The following HNRNPR variants were observed in gnomAD, a reference collection of about 807,000 sequenced individuals.
HNRNPR encodes the protein heterogeneous nuclear ribonucleoprotein R.
In HNRNPR, 4 loss-of-function variants were observed where a neutral mutation model predicts 70.3. The observed-to-expected ratio is 0.06, with a 90% CI of 0.03 to 0.13. The LOEUF (loss-of-function observed/expected upper bound fraction) is 0.13. HNRNPR is among the 10% of genes least tolerant of loss of function. HNRNPR has a pLI of 1.00. For synonymous variants in HNRNPR, 241 were observed against 267.6 expected (o/e 0.90, Z 0.97); for missense variants, 423 against 788.5 (o/e 0.54, Z 5.55).
chr1:23,321,379 C>T, intron 7 of HNRNPR, 149 bp downstream of exon 7: 1 of 591,512 alleles, frequency 1.7e-6, no homozygotes, highest in South Asian at 2.7e-5. Flanking sequence ...TGCTTAAACC[C>T]AAACCACTAT....
At position 23,331,997 on chromosome 1, in the gene HNRNPR, T is replaced by C. The variant is rs1284297052; in HGVS notation, c.498+1521A>G. 4.6e-5 allele frequency among the ~76,000 whole-genome samples: 7 copies of C among 152,120 alleles called. No individual in the cohort carries two copies. The East Asian group carries it at 9.7e-4, about 21-fold the overall frequency. On this transcript the variant is annotated intron_variant, in intron 5 of 10. Transcript: ENST00000302271. ...AAATAGAAAAATTAGCCAGGCGTGG[T>C]GGCAGGCATCTGTAGTCCCAGCTAC...
rs753944349 is a variant in HNRNPR, at chr1:23,310,590, T to C, written c.1766A>G (p.Asn589Ser). ...NQPDSKRRQT[N>S]NQQNWGSQPI... is the part of the protein sequence containing the mutation. ...TTGGGAACCCCAGTTCTGTTGGTTG[T>C]TGGTCTGACGACGCTTGGAATCAGG... Residue 589 changes from asparagine (N) to serine (S), a missense_variant, in exon 11 of 11, where the codon AAC becomes AGC. Asn to Ser is a conservative substitution (Grantham distance 46). This residue lies in a region of HNRNPR where 39 missense variants were observed against 53.2 expected (regional missense o/e 0.73). Coordinates refer to ENST00000302271, the MANE Select transcript of HNRNPR (RefSeq NM_005826.5). This position sits in a 1 kb window ranked among gnomAD's most constrained non-coding sequence, Gnocchi z 6.0. 4 of 1,614,118 alleles carry C rather than the reference T, an allele frequency of 2.5e-6. No homozygotes were observed. The highest frequency in any genetic ancestry group is 2.2e-5 in the South Asian group (2 of 91,088).
chr1:23,323,259 C>A (rs1368801944), intron 6 of HNRNPR, among the ~76,000 whole-genome samples: 3 of 151,406 alleles, frequency 2.0e-5, no homozygotes, highest in Non-Finnish European at 4.4e-5. Context: ...TTGCCTAAAA[C>A]CAAAAGACAG....
chr1:23,340,658 T>G (rs1646675793), intron 2 of HNRNPR, among the ~76,000 whole-genome samples, 194 bp downstream of exon 2: 1 of 152,144 alleles, frequency 6.6e-6, no homozygotes, highest in Non-Finnish European at 1.5e-5. Context: ...TATTCAACAC[T>G]AAGAAGGCTT....
chr1:23,307,737 G>T lies in HNRNPR; in HGVS notation c.*2717C>A, dbSNP rs754896352. The T allele has an allele frequency of 1.3e-5, 2 of 151,580 alleles. No homozygotes were observed. The highest frequency in any genetic ancestry group is 2.4e-5 in the African/African-American group (1 of 41,290). 9.4% of individuals were successfully genotyped at this position (151,580 alleles called of 1,614,324 possible). A position where few individuals can be genotyped will look rare whatever the true frequency, so the allele number is the denominator to read the frequency against. ...TTATGGGGAGGGGCATATTTGTATC[G>T]GTCTCACCAGGGTACCTACAAAGAA... On this transcript the variant is annotated 3_prime_UTR_variant, in exon 11 of 11. Transcript: ENST00000302271.
In HNRNPR at chr1:23,318,099, A is replaced by G. The variant is rs779447628; in HGVS notation, c.1017+384T>C. Among the ~76,000 whole-genome samples the G allele has an allele frequency of 2.0e-5, 3 of 151,638 alleles. No homozygotes were observed. The highest frequency in any genetic ancestry group is 4.4e-5 in the Non-Finnish European group (3 of 67,928). On this transcript the variant is annotated intron_variant, in intron 8 of 10. Transcript: ENST00000302271. The surrounding 1 kb of genome is among the most constrained non-coding windows in gnomAD (Gnocchi z 4.2). ...TAATTCATGGCCAAGTAATAAAGTC[A>G]TAATATAGTCAATGAAGATTATAAC...
chr1:23,316,775 A>C (rs1427444347), intron 8 of HNRNPR, among the ~76,000 whole-genome samples: 1 of 152,204 alleles, frequency 6.6e-6, no homozygotes, highest in Admixed American at 6.5e-5. Context: ...AACAATAGGA[A>C]TTAAAATCAA....
chr1:23,328,942 G>T (rs1023767322), intron 5 of HNRNPR, among the ~76,000 whole-genome samples: 2 of 152,088 alleles, frequency 1.3e-5, no homozygotes, highest in African/African-American at 4.8e-5. Flanking sequence ...AACAAAGCGA[G>T]ACCCTGCCTC....
Position 23,338,634 on chromosome 1 carries a change from C to T in HNRNPR, c.158-26G>A, listed in dbSNP as rs757426168. The T allele has an allele frequency of 5.0e-5, 59 of 1,185,770 alleles. 1 individual carries two copies. Among genetic ancestry groups the T allele is most frequent in the South Asian group, 3.8e-4 (28 of 74,418 alleles). The allele number at this position is 1,185,770 out of a possible 1,614,324, so 73.5% of individuals were successfully genotyped here. On this transcript the variant is annotated intron_variant, in intron 2 of 10. Transcript: ENST00000302271. ...CTAAAAATTAAATTGAAAGGGGTAACGTTATTGCAACAAAAGGGGTAATCT... is the reference window on the plus strand; with the variant it reads ...CTAAAAATTAAATTGAAAGGGGTAATGTTATTGCAACAAAAGGGGTAATCT...
chr1:23,338,673 G>C (rs769826683), intron 2 of HNRNPR, 65 bp from the exon 3 acceptor site: 22 of 703,114 alleles, frequency 3.1e-5, no homozygotes, highest in Non-Finnish European at 5.2e-5. Flanking sequence ...CTCTACTGAC[G>C]TTTAATCAAG....
Position 23,308,500 on chromosome 1 carries a change from C to T in HNRNPR, c.*1954G>A, listed in dbSNP as rs1645239493. 6.6e-6 allele frequency: 1 copy of T among 151,984 alleles called. No homozygotes were observed. The highest frequency in any genetic ancestry group is 2.4e-5 in the African/African-American group (1 of 41,420). 9.4% of individuals were successfully genotyped at this position (151,984 alleles called of 1,614,324 possible). A position where few individuals can be genotyped will look rare whatever the true frequency, so the allele number is the denominator to read the frequency against. On this transcript the variant is annotated 3_prime_UTR_variant, in exon 11 of 11. Coordinates refer to ENST00000302271, the MANE Select transcript of HNRNPR (RefSeq NM_005826.5). ...TTGTACTTTCAAAGTTTAAAAGCAG[C>T]ATTTAAAGAATGTTTGGTGTCTTTA...
Position 23,333,581 on chromosome 1 carries a change from C to T in HNRNPR, c.435G>A (p.Arg145=), listed in dbSNP as rs1355322267. The T allele has an allele frequency of 6.2e-7, 1 of 1,613,798 alleles. No individual in the cohort carries two copies. The highest frequency in any genetic ancestry group is 8.5e-7 in the Non-Finnish European group (1 of 1,179,798). ...TGTCTGGTGGAGGACCACCATACTT[C>T]CTCTGTCCTGTGGTTACATCCAGAG... The part of the protein sequence containing the change: ...GYTLDVTTGQ[R]KYGGPPPDSV... Residue 145 remains arginine, a synonymous_variant, in exon 5 of 11, where the codon AGG becomes AGA. Transcript: ENST00000302271.
chr1:23,335,239 G>T (rs1169477032), intron 4 of HNRNPR, among the ~76,000 whole-genome samples: 1 of 152,170 alleles, frequency 6.6e-6, no homozygotes. Context: ...ATTACACAAT[G>T]TCAGAACAAT....
chr1:23,332,371 G>A (rs977659887), intron 5 of HNRNPR, among the ~76,000 whole-genome samples: 1 of 150,002 alleles, frequency 6.7e-6, no homozygotes, highest in African/African-American at 2.5e-5. Flanking sequence ...TGAGGCAAGG[G>A]AGAGGACAAG....
chr1:23,328,643 G>A (rs1386351353), intron 5 of HNRNPR, among the ~76,000 whole-genome samples: 2 of 152,196 alleles, frequency 1.3e-5, no homozygotes, highest in Admixed American at 1.3e-4. Flanking sequence ...GGGACTACAG[G>A]CATGTGCCAC....
At chr1:23,335,425 G>C (rs939013253) in intron 4 of HNRNPR, among the ~76,000 whole-genome samples, 1 of 152,186 alleles carries the variant, frequency 6.6e-6, no homozygotes, top group Non-Finnish European at 1.5e-5. Flanking sequence ...GTTAGGAACC[G>C]GGCTGCATAG....
At chr1:23,334,829 A>G (rs1376700290) in intron 4 of HNRNPR, among the ~76,000 whole-genome samples, 2 of 152,234 alleles carry the variant, frequency 1.3e-5, no homozygotes, top group Non-Finnish European at 2.9e-5. Context: ...TTGAGGCAAC[A>G]TCTATATAAA....
At chr1:23,335,634 T>G (rs1424632125) in intron 4 of HNRNPR, among the ~76,000 whole-genome samples, 1 of 152,092 alleles carries the variant, frequency 6.6e-6, no homozygotes, top group Non-Finnish European at 1.5e-5. Context: ...ATGCTCCTTA[T>G]GAGAATCTAA....
chr1:23,311,409 T>C (rs1645332869), intron 9 of HNRNPR, 87 bp from the exon 10 acceptor site: 3 of 813,122 alleles, frequency 3.7e-6, no homozygotes, highest in Admixed American at 2.9e-5. Flanking sequence ...CTTGTGTAAT[T>C]TAATACACTT....
Sources: allele counts gnomAD v4.1 joint callset (sites outside exome capture counted in the v4.1 genomes callset), GRCh38; gene constraint gnomAD v4.1.1; regional missense constraint gnomAD v4.1.1; non-coding constraint Gnocchi (gnomAD v3.1); transcripts MANE v1.5; gene names NCBI Gene and HGNC (gene_info 2026-07-23, HGNC 2026-07-21).